Variants in KCNMB4 observed in about 807,000 individuals in gnomAD.
KCNMB4 encodes the protein potassium calcium-activated channel subfamily M regulatory beta subunit 4.
A neutral mutation model predicts 20.7 loss-of-function variants in KCNMB4; 3 were observed. The ratio of observed to expected loss-of-function variants is 0.14; its 90% CI spans 0.07 to 0.37. The LOEUF is 0.37. KCNMB4 is among the 10% of genes least tolerant of loss of function. The pLI is 1.00. For missense variants in KCNMB4, 168 were observed against 265.9 expected (o/e 0.63, Z 2.56); for synonymous variants, 110 against 113.4 (o/e 0.97, Z 0.19).
chr12:70,430,008 G>A (rs1048949470), intron 2 of KCNMB4, among the ~76,000 whole-genome samples: 4 of 150,596 alleles, frequency 2.7e-5, no homozygotes, highest in Non-Finnish European at 5.9e-5. Flanking sequence ...CTGTCTTTCT[G>A]ACTAAATTCA....
chr12:70,406,650 T>C (rs1436410611), intron 2 of KCNMB4, among the ~76,000 whole-genome samples: 3 of 152,146 alleles, frequency 2.0e-5, no homozygotes, highest in Admixed American at 1.3e-4. Flanking sequence ...GAGCTTGCAG[T>C]TGGAGGTGAA....
chr12:70,370,604 G>A (rs558013749), intron 1 of KCNMB4, among the ~76,000 whole-genome samples: 9 of 152,030 alleles, frequency 5.9e-5, no homozygotes, highest in Non-Finnish European at 8.8e-5. Context: ...CACCGCGCCC[G>A]GCCAGTGCTA....
Position 70,431,464 on chromosome 12 carries a change from T to C in KCNMB4, c.*811T>C, listed in dbSNP as rs1288423360. The C allele has an allele frequency of 6.6e-6, 1 of 152,076 alleles. No individual in the cohort carries two copies. Among genetic ancestry groups the C allele is most frequent in the African/African-American group, 2.4e-5 (1 of 41,400 alleles). The allele number at this position is 152,076 out of a possible 1,614,324, so 9.4% of individuals were successfully genotyped here. A position where few individuals can be genotyped will look rare whatever the true frequency, so the allele number is the denominator to read the frequency against. ...AAGTTTGTGTGCAATACAATATACA[T>C]GATGTGAAGGACACTCTTCAGCTTA... is the stretch of plus-strand genomic sequence containing the variant. On this transcript the variant is annotated 3_prime_UTR_variant, in exon 3 of 3. Coordinates refer to ENST00000258111, the MANE Select transcript of KCNMB4 (RefSeq NM_014505.6).
At chr12:70,396,127 A>G (rs1343295917) in intron 1 of KCNMB4, among the ~76,000 whole-genome samples, 1 of 152,150 alleles carries the variant, frequency 6.6e-6, no homozygotes, top group Non-Finnish European at 1.5e-5. Flanking sequence ...TTCCAATAAA[A>G]ATACTACACT....
intron 2 of KCNMB4, among the ~76,000 whole-genome samples, chr12:70,405,004 G>T (rs1868557061): frequency 6.6e-6 from 1 of 152,146 alleles, no homozygotes; most frequent in Non-Finnish European, 1.5e-5. Context: ...GGAGATGAAG[G>T]AAGAGTGGCC....
chr12:70,380,862 T>C (rs1883773689), intron 1 of KCNMB4, among the ~76,000 whole-genome samples: 1 of 152,178 alleles, frequency 6.6e-6, no homozygotes, highest in South Asian at 2.1e-4. Context: ...TTGAATATGA[T>C]ACTAAAAGCA....
At chr12:70,372,079 CAT>C (rs1053349961) in intron 1 of KCNMB4, among the ~76,000 whole-genome samples, 1 of 152,078 alleles carries the variant, frequency 6.6e-6, no homozygotes, top group African/African-American at 2.4e-5. Context: ...AGTAATGAAT[CAT>C]GTGGCTATCT....
At chr12:70,384,704 G>A (rs1883855692) in intron 1 of KCNMB4, among the ~76,000 whole-genome samples, 1 of 152,080 alleles carries the variant, frequency 6.6e-6, no homozygotes, top group South Asian at 2.1e-4. Flanking sequence ...AGACAACATA[G>A]TGAAACTCTG....
chr12:70,411,722 T>C (rs1213585699), intron 2 of KCNMB4, among the ~76,000 whole-genome samples: 7 of 152,128 alleles, frequency 4.6e-5, no homozygotes. Context: ...GATGGGAGGA[T>C]CATTTGAGTC....
intron 2 of KCNMB4, among the ~76,000 whole-genome samples, chr12:70,429,994 C>T (rs929243995): frequency 6.6e-5 from 10 of 151,928 alleles, no homozygotes; most frequent in African/African-American, 2.2e-4. Context: ...GAGAATTACA[C>T]CAGCTGTCTT....
chr12:70,401,688 C>T (rs914094505), intron 2 of KCNMB4, among the ~76,000 whole-genome samples: 3 of 145,026 alleles, frequency 2.1e-5, no homozygotes, highest in South Asian at 2.2e-4. Flanking sequence ...CATTTGTAGT[C>T]GGATGATGGC....
chr12:70,379,956 A>G (rs1201944323), intron 1 of KCNMB4, among the ~76,000 whole-genome samples: 1 of 152,206 alleles, frequency 6.6e-6, no homozygotes, highest in Non-Finnish European at 1.5e-5. Context: ...TCGTGTGTTC[A>G]CTAGAGTAGC....
At chr12:70,401,697 G>T (rs1868456205) in intron 2 of KCNMB4, among the ~76,000 whole-genome samples, 6 of 150,802 alleles carry the variant, frequency 4.0e-5, no homozygotes, top group Admixed American at 3.3e-4. Context: ...TCGGATGATG[G>T]CTGAAATAGC....
chr12:70,427,886 G>A (rs571956238), intron 2 of KCNMB4, among the ~76,000 whole-genome samples: 4 of 152,156 alleles, frequency 2.6e-5, no homozygotes, highest in East Asian at 1.9e-4. Context: ...GAGGATCCAC[G>A]CTGAAGCATT....
chr12:70,422,599 CTAAT>C (rs1176440642), intron 2 of KCNMB4: 1 of 757,318 alleles, frequency 1.3e-6, no homozygotes, highest in Admixed American at 2.9e-5. Flanking sequence ...CAAAGGATTT[CTAAT>C]TAATAAAGCC....
intron 1 of KCNMB4, among the ~76,000 whole-genome samples, chr12:70,374,470 A>T (rs923681670): frequency 6.6e-6 from 1 of 152,196 alleles, no homozygotes; most frequent in African/African-American, 2.4e-5. Flanking sequence ...TATGTTTCCA[A>T]CCATTCCTCA....
At chr12:70,400,179 A>G (rs1868413401) in intron 1 of KCNMB4, 30 bp from the exon 2 acceptor site, 3 of 1,501,096 alleles carry the variant, frequency 2.0e-6, no homozygotes, top group Non-Finnish European at 1.8e-6. Flanking sequence ...ATAAAATAAT[A>G]GGTTTACTTT....
intron 2 of KCNMB4, among the ~76,000 whole-genome samples, chr12:70,400,890 G>A (rs558845713): frequency 2.6e-5 from 4 of 152,248 alleles, no homozygotes; most frequent in East Asian, 3.9e-4. Flanking sequence ...CAGGGTTACC[G>A]CAAACCTTCA....
At chr12:70,378,200 C>T (rs1354480049) in intron 1 of KCNMB4, among the ~76,000 whole-genome samples, 1 of 151,986 alleles carries the variant, frequency 6.6e-6, no homozygotes, top group Non-Finnish European at 1.5e-5. Flanking sequence ...AAATGATCTG[C>T]CTGCCTTGGC....
Sources: gnomAD v4.1 joint callset for allele counts (sites outside exome capture counted in the v4.1 genomes callset) on GRCh38, gnomAD v4.1.1 for gene constraint, MANE v1.5 for transcripts, NCBI Gene and HGNC (gene_info 2026-07-23, HGNC 2026-07-21) for gene names.